PTN: variants seen among roughly 807,000 people sequenced by gnomAD.
PTN encodes heparin affin regulatory protein.
Under a neutral mutation model 24.1 loss-of-function variants are expected in PTN, and 18 were observed. The ratio of observed to expected loss-of-function variants is 0.75; its 90% CI spans 0.52 to 1.11. The LOEUF is 1.11. PTN is among the 50% of genes least tolerant of loss of function. The pLI is 0.00. For missense variants in PTN, 163 were observed against 198.8 expected (o/e 0.82, Z 1.08); for synonymous variants, 78 against 68.6 (o/e 1.14, Z -0.67).
intron 1 of PTN, among the ~76,000 whole-genome samples, chr7:137,317,503 C>A (rs906596279): frequency 6.6e-6 from 1 of 152,170 alleles, no homozygotes; most frequent in Non-Finnish European, 1.5e-5. Flanking sequence ...CATCTCCTGA[C>A]CACACACATG....
chr7:137,285,857 A>G (rs1027201797), intron 1 of PTN, among the ~76,000 whole-genome samples: 5 of 152,234 alleles, frequency 3.3e-5, no homozygotes, highest in Admixed American at 6.5e-5. Context: ...TGAATAAGTG[A>G]GTAAATTTTA....
At chr7:137,236,075 T>C in intron 4 of PTN, 1 of 663,016 alleles carries the variant, frequency 1.5e-6, no homozygotes, top group Non-Finnish European at 2.7e-6. Context: ...ATGAAATTAC[T>C]TCATCAACCA....
chr7:137,257,263 T>C (rs897090289), intron 1 of PTN, among the ~76,000 whole-genome samples: 9 of 152,244 alleles, frequency 5.9e-5, no homozygotes, highest in Non-Finnish European at 1.2e-4. Context: ...TGAGGCTAAA[T>C]TCTTATTATA....
chr7:137,327,146 C>T (rs985806477), intron 1 of PTN, among the ~76,000 whole-genome samples: 3 of 152,132 alleles, frequency 2.0e-5, no homozygotes, highest in African/African-American at 4.8e-5. Flanking sequence ...GGTTGGTACA[C>T]AAAGCATTAC....
intron 1 of PTN, among the ~76,000 whole-genome samples, chr7:137,313,513 T>C (rs1472708007): frequency 1.3e-5 from 2 of 152,184 alleles, no homozygotes; most frequent in Non-Finnish European, 1.5e-5. Flanking sequence ...TCCCAGTAAT[T>C]GTGGGAGCTA....
At chr7:137,268,173 G>A (rs948643033) in intron 1 of PTN, among the ~76,000 whole-genome samples, 3 of 151,978 alleles carry the variant, frequency 2.0e-5, no homozygotes, top group South Asian at 2.1e-4. Context: ...TGCCACACAC[G>A]GCTCTGGCGA....
chr7:137,330,381 C>T (rs905562368), intron 1 of PTN, among the ~76,000 whole-genome samples: 1 of 152,068 alleles, frequency 6.6e-6, no homozygotes, highest in Non-Finnish European at 1.5e-5. Flanking sequence ...CATACCCAAC[C>T]TAAACTTTTT....
chr7:137,273,360 T>C (rs1809307314), intron 1 of PTN, among the ~76,000 whole-genome samples: 1 of 152,214 alleles, frequency 6.6e-6, no homozygotes, highest in African/African-American at 2.4e-5. Context: ...ATTAGCATGT[T>C]TTCACACTGC....
intron 1 of PTN, among the ~76,000 whole-genome samples, chr7:137,273,111 C>T (rs961503628): frequency 5.9e-5 from 9 of 152,124 alleles, no homozygotes; most frequent in Non-Finnish European, 8.8e-5. Flanking sequence ...TCAATACATC[C>T]TTTAAGGGAG....
Position 137,321,115 on chromosome 7 carries a change from G to A in PTN, c.-2+22324C>T, listed in dbSNP as rs554734961. On this transcript the variant is annotated intron_variant, in intron 1 of 4. Transcript: ENST00000348225. ...CAGCTATTAGGGCTCCCTTGCTATTGCCAAGCTTGTTTTCATGCTGCAGGT... is the reference window on the plus strand; with the variant it reads ...CAGCTATTAGGGCTCCCTTGCTATTACCAAGCTTGTTTTCATGCTGCAGGT... Among the ~76,000 whole-genome samples, 3 of 152,234 alleles carry A rather than the reference G, an allele frequency of 2.0e-5. No homozygotes were observed. The South Asian group carries it at 6.2e-4, about 32-fold the overall frequency.
intron 1 of PTN, among the ~76,000 whole-genome samples, chr7:137,318,297 G>A (rs1161463176): frequency 6.6e-6 from 1 of 152,100 alleles, no homozygotes; most frequent in African/African-American, 2.4e-5. Flanking sequence ...GTAATCTAGT[G>A]GCTGAGAGCA....
chr7:137,336,351 TC>T (rs969988350), intron 1 of PTN, among the ~76,000 whole-genome samples: 5 of 152,082 alleles, frequency 3.3e-5, no homozygotes, highest in African/African-American at 1.2e-4. Context: ...AAACCTTAAC[TC>T]CTTCCCTGGA....
In PTN at chr7:137,251,394, A is replaced by C. The variant is rs1285333071; in HGVS notation, c.290-3T>G. On this transcript the variant is annotated splice_polypyrimidine_tract_variant and splice_region_variant and intron_variant, in intron 3 of 4. Transcript: ENST00000348225. ...CTGGAACTGGTATTTGCACTCCGCT[A>C]AAGGCAGGGTAGAACCAAACAGAAA... is the stretch of plus-strand genomic sequence containing the variant. 6.2e-7 allele frequency: 1 copy of C among 1,613,982 alleles called. No individual in the cohort carries two copies. Among genetic ancestry groups the C allele is most frequent in the East Asian group, 2.2e-5 (1 of 44,872 alleles).
At chr7:137,291,930 A>T (rs1809644324) in intron 1 of PTN, among the ~76,000 whole-genome samples, 1 of 152,106 alleles carries the variant, frequency 6.6e-6, no homozygotes. Flanking sequence ...GGTTTCAACC[A>T]CTCACCTTTA....
chr7:137,333,754 A>G (rs1810399130), intron 1 of PTN, among the ~76,000 whole-genome samples: 1 of 152,204 alleles, frequency 6.6e-6, no homozygotes, highest in South Asian at 2.1e-4. Context: ...AGCCAAAAGA[A>G]CAAAGCTGGA....
At chr7:137,229,194 AT>A (rs1808387514) in intron 4 of PTN, among the ~76,000 whole-genome samples, 1 of 151,902 alleles carries the variant, frequency 6.6e-6, no homozygotes, top group Non-Finnish European at 1.5e-5. Context: ...TAAGGTTAGC[AT>A]TTATCATTAG....
At chr7:137,322,665 A>C (rs770756943) in intron 1 of PTN, among the ~76,000 whole-genome samples, 7 of 152,202 alleles carry the variant, frequency 4.6e-5, no homozygotes, top group Non-Finnish European at 7.4e-5. Flanking sequence ...TTGGTTTTGC[A>C]AAGTATTTAT....
chr7:137,236,749 G>A (rs1808528817), intron 4 of PTN, among the ~76,000 whole-genome samples: 1 of 152,106 alleles, frequency 6.6e-6, no homozygotes, highest in Non-Finnish European at 1.5e-5. Context: ...GAGGGCAGAG[G>A]TAGAAAATTT....
intron 1 of PTN, among the ~76,000 whole-genome samples, chr7:137,278,430 A>G (rs978014996): frequency 1.5e-4 from 23 of 152,032 alleles, no homozygotes; most frequent in Admixed American, 1.4e-3. Context: ...TTAAATATAT[A>G]TATTTTCTAA....
Sources: gnomAD v4.1 joint callset for allele counts (sites outside exome capture counted in the v4.1 genomes callset) on GRCh38, gnomAD v4.1.1 for gene constraint, MANE v1.5 for transcripts, NCBI Gene and HGNC (gene_info 2026-07-23, HGNC 2026-07-21) for gene names.